Variants in TCF20 observed in about 807,000 individuals in gnomAD.
TCF20 encodes SPRE-binding protein.
TCF20 carries 3 observed loss-of-function variants against 148.6 expected under a neutral mutation model. The ratio of observed to expected loss-of-function variants is 0.02; its 90% CI spans 0.01 to 0.05. The LOEUF is 0.05. TCF20 is among the 10% of genes least tolerant of loss of function. TCF20 has a pLI of 1.00. For synonymous variants in TCF20, 1,049 were observed against 909.5 expected, an observed-to-expected ratio of 1.15 and a Z score of -2.76; for missense variants, 2,350 against 2,429.3, an observed-to-expected ratio of 0.97 and a Z score of 0.69.
chr22:42,212,086 C>T lies in TCF20; in HGVS notation c.3220G>A (p.Asp1074Asn). The T allele has an allele frequency of 6.2e-7, 1 of 1,614,122 alleles. No homozygotes were observed. The highest frequency in any genetic ancestry group is 8.5e-7 in the Non-Finnish European group (1 of 1,180,022). ...HANTRAHAYG[D>N]PNAGLNSQLH... is the part of the protein sequence containing the mutation. ...TGAGAATTCAAACCTGCGTTAGGGTCCCCATAAGCATGAGCCCGAGTATTT... is the reference window on the plus strand; with the variant it reads ...TGAGAATTCAAACCTGCGTTAGGGTTCCCATAAGCATGAGCCCGAGTATTT... The change falls in exon 2 of 6, where the codon GAC (aspartate) becomes AAC (asparagine). Residue 1074 changes from aspartate to asparagine, a missense_variant. Physicochemically the swap from Asp to Asn is conservative, Grantham distance 23. Transcript: ENST00000677622.
At chr22:42,176,338 CAA>C (rs1197769658) in intron 3 of TCF20, among the ~76,000 whole-genome samples, 34 of 151,668 alleles carry the variant, frequency 2.2e-4, no homozygotes, top group African/African-American at 8.0e-4. Context: ...TATGCTTAAA[CAA>C]AAGTCAGGAG....
At chr22:42,273,835 T>G (rs1474618783), upstream of TCF20, 1 of 152,612 alleles carries the variant, frequency 6.6e-6, no homozygotes, top group Admixed American at 6.5e-5. Flanking sequence ...CAAACTCCTC[T>G]GCCCTCCTCC....
At chr22:42,177,283 T>G (rs941023845) in intron 3 of TCF20, among the ~76,000 whole-genome samples, 5 of 152,148 alleles carry the variant, frequency 3.3e-5, no homozygotes, top group Middle Eastern at 3.4e-3. Context: ...GGCATGGTGG[T>G]GGGCGCCTGT....
intron 1 of TCF20, among the ~76,000 whole-genome samples, chr22:42,248,649 AAAAGACT>A (rs1481998308): frequency 2.0e-5 from 3 of 152,340 alleles, no homozygotes; most frequent in East Asian, 1.9e-4. Flanking sequence ...TTAAAATCCC[AAAAGACT>A]AAAGTCTAAA....
At chr22:42,240,506 A>G (rs1239735130) in intron 1 of TCF20, among the ~76,000 whole-genome samples, 2 of 152,232 alleles carry the variant, frequency 1.3e-5, no homozygotes, top group Non-Finnish European at 2.9e-5. Flanking sequence ...AAAAAACTGG[A>G]TACAATATAT....
chr22:42,320,110 C>G (rs544419432), intron 1 of TCF20, among the ~76,000 whole-genome samples: 2 of 152,310 alleles, frequency 1.3e-5, no homozygotes, highest in South Asian at 2.1e-4. Context: ...GACTGGCCCC[C>G]CTGACCTCTC....
At chr22:42,271,379 C>T (rs1926614888), upstream of TCF20, among the ~76,000 whole-genome samples, 1 of 152,254 alleles carries the variant, frequency 6.6e-6, no homozygotes, top group Non-Finnish European at 1.5e-5. Flanking sequence ...GCCCAGGGTC[C>T]CGAATTAATT....
At chr22:42,231,907 C>T (rs947716042) in intron 1 of TCF20, among the ~76,000 whole-genome samples, 17 of 124,596 alleles carry the variant, frequency 1.4e-4, no homozygotes, top group African/African-American at 3.8e-4. Context: ...CCAGCCTGGG[C>T]GACAGAGAGA....
intron 1 of TCF20, among the ~76,000 whole-genome samples, chr22:42,318,880 G>A (rs944469595): frequency 6.6e-6 from 1 of 152,180 alleles, no homozygotes; most frequent in African/African-American, 2.4e-5. Context: ...GATTGACCCT[G>A]TGGCCAGCTG....
At chr22:42,166,609 CAAA>C (rs545755110) in intron 5 of TCF20, among the ~76,000 whole-genome samples, 7 of 70,460 alleles carry the variant, frequency 9.9e-5, no homozygotes, top group Non-Finnish European at 2.0e-4. Context: ...AATCCGTCTC[CAAA>C]AAAAAAAAAA....
intron 3 of TCF20, among the ~76,000 whole-genome samples, chr22:42,173,224 T>C (rs1045524908): frequency 7.4e-5 from 11 of 148,730 alleles, no homozygotes; most frequent in African/African-American, 2.5e-4. Flanking sequence ...TTGTGGCTCA[T>C]TGCATTAAAT....
Position 42,169,621 on chromosome 22 carries a change from T to C in TCF20, c.5799+226A>G, listed in dbSNP as rs116777951. ...CAAACACCCCCTCTCCCAAAACACA[T>C]TTCTCCTGGGATCCTCATAATACTC... On this transcript the variant is annotated intron_variant, in intron 4 of 5. Transcript: ENST00000677622. Among the ~76,000 whole-genome samples the C allele has an allele frequency of 0.016, 2,492 of 152,258 alleles. 56 individuals are homozygous for C. Among genetic ancestry groups the C allele is most frequent in the African/African-American group, 0.057 (2,369 of 41,540 alleles).
chr22:42,211,773 T>G lies in TCF20; in HGVS notation c.3533A>C (p.Lys1178Thr), dbSNP rs1163078792. 6.2e-7 allele frequency: 1 copy of G among 1,614,234 alleles called. No individual in the cohort carries two copies. Among genetic ancestry groups the G allele is most frequent in the Non-Finnish European group, 8.5e-7 (1 of 1,180,046 alleles). Residue 1178 changes from lysine to threonine, a missense_variant, in exon 2 of 6, where the codon AAG becomes ACG. Transcript: ENST00000677622. The stretch of plus-strand genomic sequence containing the variant: ...TTCTTGTAACTTCTGGGAGCCATGC[T>G]TTAATTCCATGCCCTTGTTAGGCAG... The part of the protein sequence containing the change: ...DGLPNKGMEL[K>T]HGSQKLQESC...
At chr22:42,311,721 A>T (rs1304241975) in intron 1 of TCF20, among the ~76,000 whole-genome samples, 1 of 152,202 alleles carries the variant, frequency 6.6e-6, no homozygotes, top group African/African-American at 2.4e-5. Context: ...CCAGGGCTGT[A>T]GGGCTGAAAA....
chr22:42,340,037 C>T (rs1354258142), intron 1 of TCF20, among the ~76,000 whole-genome samples: 4 of 152,182 alleles, frequency 2.6e-5, no homozygotes, highest in African/African-American at 9.7e-5. Context: ...AGGCCAGAAC[C>T]CCAGTGACTA....
intron 2 of TCF20, among the ~76,000 whole-genome samples, chr22:42,195,822 T>C (rs1384085606): frequency 6.6e-6 from 1 of 152,166 alleles, no homozygotes; most frequent in Non-Finnish European, 1.5e-5. Flanking sequence ...CTTTTAAACA[T>C]ACATATTTAA....
At chr22:42,187,610 A>G (rs994242392) in intron 2 of TCF20, among the ~76,000 whole-genome samples, 12 of 152,218 alleles carry the variant, frequency 7.9e-5, no homozygotes, top group Admixed American at 5.9e-4. Flanking sequence ...TTGATCCACA[A>G]AGAAAGCCCG....
rs988376111 is a variant in TCF20, at chr22:42,297,777, C to G, written c.-37+45702G>C. On this transcript the variant is annotated intron_variant, in intron 1 of 1. Coordinates refer to the TCF20 transcript ENST00000515426. This position sits in a 1 kb window ranked among gnomAD's most constrained non-coding sequence, Gnocchi z 4.3. The stretch of plus-strand genomic sequence containing the variant: ...CAGAAGGCCTCGGGTCGCATCCCCC[C>G]ACCAGCTGGGGCCCCTGTCAGGCAG... Among the ~76,000 whole-genome samples the G allele has an allele frequency of 2.0e-5, 3 of 152,208 alleles. No homozygotes were observed. The highest frequency in any genetic ancestry group is 1.3e-4 in the Admixed American group (2 of 15,282).
At chr22:42,255,444 G>A (rs1341303643) in intron 1 of TCF20, among the ~76,000 whole-genome samples, 1 of 151,926 alleles carries the variant, frequency 6.6e-6, no homozygotes, top group South Asian at 2.1e-4. Context: ...AGCTGAGATC[G>A]CGCCACTGCA....
Sources: gnomAD v4.1 joint callset for allele counts (sites outside exome capture counted in the v4.1 genomes callset) on GRCh38, gnomAD v4.1.1 for gene constraint, Gnocchi (gnomAD v3.1) non-coding constraint, MANE v1.5 for transcripts, NCBI Gene and HGNC (gene_info 2026-07-23, HGNC 2026-07-21) for gene names.